The following LRIF1 variants were observed in gnomAD, a reference collection of about 807,000 sequenced individuals.
LRIF1 encodes ligand-dependent nuclear receptor-interacting factor 1.
In LRIF1, 32 loss-of-function variants were observed where a neutral mutation model predicts 52.7. That is an observed-to-expected ratio of 0.61 (90% CI 0.46 to 0.82). LRIF1 has a LOEUF of 0.82. Ranked by LOEUF, LRIF1 falls within the 40% of genes least tolerant of loss-of-function variation. LRIF1 has a pLI of 0.00. For missense variants in LRIF1, 887 were observed against 892.0 expected, an observed-to-expected ratio of 0.99 and a Z score of 0.07; for synonymous variants, 323 against 317.4, an observed-to-expected ratio of 1.02 and a Z score of -0.19.
In LRIF1 at chr1:110,948,185, A is replaced by T; in HGVS notation, c.2084T>A (p.Met695Lys). The T allele has an allele frequency of 6.2e-7, 1 of 1,614,086 alleles. No individual in the cohort carries two copies. The highest frequency in any genetic ancestry group is 8.5e-7 in the Non-Finnish European group (1 of 1,179,986). Reference sequence around the variant, plus strand: ...TTGCTTCTCATGGGTATAGTATTCCATCTCAGTTCTCTTTTCTTGTCTGGT... The same window carrying T: ...TTGCTTCTCATGGGTATAGTATTCCTTCTCAGTTCTCTTTTCTTGTCTGGT... ...SKTRQEKRTE[M>K]EYYTHEKQEK... Residue 695 changes from methionine (M) to lysine (K), a missense_variant, in exon 4 of 4, where the codon ATG (methionine) becomes AAG (lysine). Coordinates refer to ENST00000369763, the MANE Select transcript of LRIF1 (RefSeq NM_018372.4).
the LRIF1 span, among the ~76,000 whole-genome samples, chr1:110,926,260 A>C: frequency 3.9e-5 from 6 of 152,042 alleles, no homozygotes; most frequent in African/African-American, 1.4e-4. Context: ...GGCTAGGGTA[A>C]TCATGACAAC....
the LRIF1 span, among the ~76,000 whole-genome samples, chr1:110,917,737 T>C: frequency 9.3e-5 from 14 of 151,294 alleles, no homozygotes; most frequent in Admixed American, 8.6e-4. Context: ...ATATGTGCTA[T>C]GGAAAAAAAT....
At chr1:110,890,384 T>C in the LRIF1 span, among the ~76,000 whole-genome samples, 3 of 152,118 alleles carry the variant, frequency 2.0e-5, no homozygotes, top group African/African-American at 7.2e-5. Flanking sequence ...CTAGGCAACA[T>C]GGTGAAACTT....
chr1:110,940,064 C>T, the LRIF1 span: 3 of 151,932 alleles, frequency 2.0e-5, no homozygotes, highest in Admixed American at 6.6e-5. Flanking sequence ...CAGAATGGGA[C>T]AAAATATTTG....
At chr1:110,907,577 C>CA in the LRIF1 span, among the ~76,000 whole-genome samples, 2 of 151,732 alleles carry the variant, frequency 1.3e-5, no homozygotes, top group African/African-American at 2.4e-5. Flanking sequence ...ACTAAAAATA[C>CA]AAAAAAAATT....
At chr1:110,954,233 A>C (rs369943773) in intron 1 of LRIF1, among the ~76,000 whole-genome samples, 18 of 152,312 alleles carry the variant, frequency 1.2e-4, no homozygotes, top group East Asian at 1.2e-3. Flanking sequence ...ACAAAAATTT[A>C]AAAGTCTTTT....
At chr1:110,901,979 TCA>T in the LRIF1 span, among the ~76,000 whole-genome samples, 1 of 152,168 alleles carries the variant, frequency 6.6e-6, no homozygotes, top group Non-Finnish European at 1.5e-5. Flanking sequence ...CAAAAACAAG[TCA>T]CAGTCAGTCA....
the LRIF1 span, among the ~76,000 whole-genome samples, chr1:110,889,451 G>A: frequency 6.6e-6 from 1 of 151,986 alleles, no homozygotes; most frequent in Non-Finnish European, 1.5e-5. Context: ...CCAGCTACTC[G>A]GGAGGCTGAG....
the LRIF1 span, chr1:110,894,305 G>A: frequency 6.2e-7 from 1 of 1,610,680 alleles, no homozygotes; most frequent in East Asian, 2.2e-5. Flanking sequence ...AGTGCTGTGA[G>A]AATGTATCTG....
chr1:110,951,261 A>G (rs1557838627), intron 2 of LRIF1, 27 bp downstream of exon 2: 1 of 1,560,134 alleles, frequency 6.4e-7, no homozygotes, highest in Non-Finnish European at 8.7e-7. Context: ...GATATATAAA[A>G]AGAGCACCCT....
In LRIF1 at chr1:110,948,149, G is replaced by T; in HGVS notation, c.2120C>A (p.Thr707Asn). 1 of 1,614,036 alleles carries T rather than the reference G, an allele frequency of 6.2e-7. No individual in the cohort carries two copies. Among genetic ancestry groups the T allele is most frequent in the Non-Finnish European group, 8.5e-7 (1 of 1,179,982 alleles). ...TTCATAAGCTGCATTTGAATTCAAA[G>T]TGCCTTTCTCTTGCTTCTCATGGGT... The part of the protein sequence containing the change: ...YYTHEKQEKG[T>N]LNSNAAYEQS... The change falls in exon 4 of 4, where the codon ACT (threonine) becomes AAT (asparagine). Residue 707 changes from threonine to asparagine, a missense_variant. Physicochemically the swap from Thr to Asn is moderately conservative, Grantham distance 65. Transcript: ENST00000369763.
intron 1 of LRIF1, among the ~76,000 whole-genome samples, chr1:110,954,180 T>C (rs1170106236): frequency 1.3e-5 from 2 of 152,222 alleles, no homozygotes; most frequent in South Asian, 2.1e-4. Context: ...CCGTAGAAAT[T>C]TGGTTTACCT....
chr1:110,959,869 G>C (rs866065455), intron 1 of LRIF1, among the ~76,000 whole-genome samples: 1 of 151,364 alleles, frequency 6.6e-6, no homozygotes, highest in Non-Finnish European at 1.5e-5. Flanking sequence ...ATTAGAAATA[G>C]ACTAATAAAA....
At chr1:110,901,660 G>C in the LRIF1 span, among the ~76,000 whole-genome samples, 1 of 151,816 alleles carries the variant, frequency 6.6e-6, no homozygotes, top group South Asian at 2.1e-4. Flanking sequence ...ATTTTTACTA[G>C]AGACAGGGTT....
At chr1:110,878,438 TGTATATGGAGAAG>T in the LRIF1 span, among the ~76,000 whole-genome samples, 1 of 152,336 alleles carries the variant, frequency 6.6e-6, no homozygotes, top group Admixed American at 6.5e-5. Flanking sequence ...TATAGAGAAA[TGTATATGGAGAAG>T]TGTCTGGAAA....
chr1:110,953,810 A>C (rs972132266), intron 1 of LRIF1, among the ~76,000 whole-genome samples: 2 of 152,186 alleles, frequency 1.3e-5, no homozygotes, highest in Non-Finnish European at 2.9e-5. Context: ...CACATAGCTC[A>C]AGTCTTGGCA....
intron 2 of LRIF1, 132 bp from the exon 3 acceptor site, chr1:110,950,255 G>T: frequency 9.3e-7 from 1 of 1,077,962 alleles, no homozygotes; most frequent in African/African-American, 1.6e-5. Flanking sequence ...TATTATCCTT[G>T]CCTTACCACC....
At chr1:110,931,705 T>C in the LRIF1 span, among the ~76,000 whole-genome samples, 8,743 of 152,296 alleles carry the variant, frequency 0.057, 291 homozygotes, top group East Asian at 0.13. Context: ...TATCTCATTG[T>C]GGTTTTGATT....
At chr1:110,900,250 C>T in the LRIF1 span, among the ~76,000 whole-genome samples, 1 of 152,196 alleles carries the variant, frequency 6.6e-6, no homozygotes, top group African/African-American at 2.4e-5. Context: ...AGATCTTTGC[C>T]ACTTGTGCCT....
Sources: allele counts gnomAD v4.1 joint callset (sites outside exome capture counted in the v4.1 genomes callset), GRCh38; gene constraint gnomAD v4.1.1; transcripts MANE v1.5; gene names NCBI Gene and HGNC (gene_info 2026-07-23, HGNC 2026-07-21).